Variants in SRD5A2 observed in about 807,000 individuals in gnomAD.
The protein encoded by SRD5A2 is 3-oxo-5-alpha-steroid 4-dehydrogenase 2.
A neutral mutation model predicts 27.4 loss-of-function variants in SRD5A2; 30 were observed. That is an observed-to-expected ratio of 1.10 (90% CI 0.82 to 1.49). SRD5A2 has a LOEUF of 1.49. Ranked by LOEUF, SRD5A2 falls within the 40% of genes most tolerant of loss-of-function variation. SRD5A2 has a pLI of 0.00. For missense variants in SRD5A2, 348 were observed against 323.4 expected (o/e 1.08, Z -0.58); for synonymous variants, 141 against 133.6 (o/e 1.06, Z -0.38).
At position 31,526,004 on chromosome 2, in the gene SRD5A2, T is replaced by C. The variant is rs953470460; in HGVS notation, c.*192A>G. 3.8e-5 allele frequency: 19 copies of C among 496,040 alleles called. No homozygotes were observed. The highest frequency in any genetic ancestry group is 6.4e-5 in the Non-Finnish European group (18 of 279,112). The allele number at this position is 496,040 out of a possible 1,614,324, so 30.7% of individuals were successfully genotyped here. A position where few individuals can be genotyped will look rare whatever the true frequency, so the allele number is the denominator to read the frequency against. ...TTGAAGCTTCAGTTGGGGATCAGGATAGGGGTCCCTGGAAGGGTAGGAGTA... is the reference window on the plus strand; with the variant it reads ...TTGAAGCTTCAGTTGGGGATCAGGACAGGGGTCCCTGGAAGGGTAGGAGTA... On this transcript the variant is annotated 3_prime_UTR_variant, in exon 5 of 5. Coordinates refer to ENST00000622030, the MANE Select transcript of SRD5A2 (RefSeq NM_000348.4).
At chr2:31,622,089 A>G in the SRD5A2 span, among the ~76,000 whole-genome samples, 6,803 of 152,110 alleles carry the variant, frequency 0.045, 186 homozygotes, top group Non-Finnish European at 0.064. Flanking sequence ...CCCAGCACCC[A>G]TTAGCTATTC....
rs889729596 is a variant in SRD5A2 at position 31,568,525 on chromosome 2, C to T, written c.281+12095G>A. On this transcript the variant is annotated intron_variant, in intron 1 of 4. Coordinates refer to ENST00000622030, the MANE Select transcript of SRD5A2 (RefSeq NM_000348.4). ...GTTTTTATAGCCTCAGAAGGAAGGG[C>T]GTGCTGATTGGTCCATGGGCCACCA... Among the ~76,000 whole-genome samples the T allele has an allele frequency of 2.0e-5, 3 of 152,066 alleles. No homozygotes were observed. In the East Asian group the frequency reaches 5.8e-4, roughly 30 times the overall value.
the SRD5A2 span, among the ~76,000 whole-genome samples, chr2:31,633,405 C>G: frequency 1.3e-5 from 2 of 152,104 alleles, no homozygotes; most frequent in African/African-American, 2.4e-5. Context: ...ATAGTCAGGG[C>G]CTGTGAAGTG....
At chr2:31,586,361 A>G in the SRD5A2 span, among the ~76,000 whole-genome samples, 31 of 152,180 alleles carry the variant, frequency 2.0e-4, no homozygotes, top group African/African-American at 7.5e-4. Flanking sequence ...ACAGACCTGG[A>G]TGGCTTTTCC....
At chr2:31,608,755 G>A in the SRD5A2 span, among the ~76,000 whole-genome samples, 1 of 151,936 alleles carries the variant, frequency 6.6e-6, no homozygotes, top group Non-Finnish European at 1.5e-5. Flanking sequence ...AAACATTGTT[G>A]AAAGAAATTA....
chr2:31,599,930 C>T, the SRD5A2 span, among the ~76,000 whole-genome samples: 27 of 151,712 alleles, frequency 1.8e-4, no homozygotes, highest in Admixed American at 2.6e-4. Context: ...TTTAATCACC[C>T]GGGTATTAAG....
At chr2:31,642,091 T>G in the SRD5A2 span, among the ~76,000 whole-genome samples, 1 of 151,958 alleles carries the variant, frequency 6.6e-6, no homozygotes, top group Non-Finnish European at 1.5e-5. Context: ...CAGAAATAGA[T>G]CCACAAATGT....
chr2:31,592,850 C>T, the SRD5A2 span, among the ~76,000 whole-genome samples: 3 of 152,210 alleles, frequency 2.0e-5, no homozygotes, highest in South Asian at 4.1e-4. Context: ...TTTGAATTAC[C>T]AGATAAAGAA....
At chr2:31,533,336 T>G (rs759228163) in intron 2 of SRD5A2, among the ~76,000 whole-genome samples, 23 of 152,114 alleles carry the variant, frequency 1.5e-4, no homozygotes, top group Non-Finnish European at 2.8e-4. Context: ...ACCAAGAATA[T>G]TTAGGATTTA....
the SRD5A2 span, among the ~76,000 whole-genome samples, chr2:31,640,391 G>C: frequency 6.6e-6 from 1 of 151,950 alleles, no homozygotes; most frequent in African/African-American, 2.4e-5. Context: ...TTCCTTGTTT[G>C]TTATTGTTTC....
chr2:31,573,729 G>T (rs534147314), intron 1 of SRD5A2, among the ~76,000 whole-genome samples: 1 of 152,286 alleles, frequency 6.6e-6, no homozygotes, highest in African/African-American at 2.4e-5. Flanking sequence ...CCTGCCAAAG[G>T]ATGCGTACAG....
At chr2:31,603,176 G>T in the SRD5A2 span, among the ~76,000 whole-genome samples, 2 of 151,938 alleles carry the variant, frequency 1.3e-5, no homozygotes, top group Non-Finnish European at 2.9e-5. Flanking sequence ...ATCTGACAAA[G>T]GTCTAATATT....
the SRD5A2 span, among the ~76,000 whole-genome samples, chr2:31,635,623 A>T: frequency 6.6e-6 from 1 of 152,084 alleles, no homozygotes; most frequent in East Asian, 1.9e-4. Flanking sequence ...TGCCAAAAAA[A>T]TCTTTGCCCA....
the SRD5A2 span, among the ~76,000 whole-genome samples, chr2:31,644,170 AAGTAATAT>A: frequency 9.2e-5 from 14 of 152,294 alleles, no homozygotes; most frequent in South Asian, 2.9e-3. Flanking sequence ...AAAAATACCA[AAGTAATAT>A]GTAATAATGA....
At chr2:31,544,419 A>G (rs961703708) in intron 1 of SRD5A2, among the ~76,000 whole-genome samples, 3 of 151,972 alleles carry the variant, frequency 2.0e-5, no homozygotes, top group Non-Finnish European at 4.4e-5. Flanking sequence ...AAATCTATAA[A>G]TATGTGAAAA....
chr2:31,644,074 C>T, the SRD5A2 span, among the ~76,000 whole-genome samples: 3 of 152,218 alleles, frequency 2.0e-5, no homozygotes, highest in African/African-American at 7.2e-5. Context: ...CCATCACAAC[C>T]AAGTGATCAA....
At chr2:31,533,542 T>G in intron 2 of SRD5A2, 61 bp downstream of exon 2, 5 of 1,477,552 alleles carry the variant, frequency 3.4e-6, no homozygotes, top group Non-Finnish European at 4.6e-6. Context: ...GCCATGGCGA[T>G]GTAGATTGTG....
the SRD5A2 span, among the ~76,000 whole-genome samples, chr2:31,616,160 G>A: frequency 1.3e-5 from 2 of 152,138 alleles, no homozygotes; most frequent in Non-Finnish European, 2.9e-5. Context: ...GAGGATGTAG[G>A]GAAATGCCTG....
At chr2:31,626,472 A>C in the SRD5A2 span, among the ~76,000 whole-genome samples, 9 of 152,284 alleles carry the variant, frequency 5.9e-5, no homozygotes, top group East Asian at 1.7e-3. Flanking sequence ...TTGCCCATTC[A>C]GTATGATATT....
Sources: gnomAD v4.1 joint callset for allele counts (sites outside exome capture counted in the v4.1 genomes callset) on GRCh38, gnomAD v4.1.1 for gene constraint, MANE v1.5 for transcripts, NCBI Gene and HGNC (gene_info 2026-07-23, HGNC 2026-07-21) for gene names.